Variants in CRISP1 observed in about 807,000 individuals in gnomAD.
CRISP1 encodes the protein cysteine-rich secretory protein 1.
CRISP1 carries 44 observed loss-of-function variants against 33.1 expected under a neutral mutation model. That is an observed-to-expected ratio of 1.33 (90% CI 1.05 to 1.71). The LOEUF (loss-of-function observed/expected upper bound fraction) is 1.71. Among genes scored for constraint, CRISP1 ranks in the 40% most tolerant of loss-of-function variants. The pLI is 0.00. For synonymous variants in CRISP1, 103 were observed against 98.7 expected, an observed-to-expected ratio of 1.04 and a Z score of -0.26; for missense variants, 390 against 301.2, an observed-to-expected ratio of 1.29 and a Z score of -2.18.
At chr6:49,871,798 G>A (rs996703160) in intron 1 of CRISP1, among the ~76,000 whole-genome samples, 5 of 151,920 alleles carry the variant, frequency 3.3e-5, no homozygotes, top group South Asian at 2.1e-4. Context: ...CTGGTCTATC[G>A]TTGTTGGACA....
At chr6:49,872,243 G>T (rs1310481111) in intron 1 of CRISP1, among the ~76,000 whole-genome samples, 1 of 151,620 alleles carries the variant, frequency 6.6e-6, no homozygotes, top group African/African-American at 2.4e-5. Context: ...TTTTTGATGG[G>T]GTTGTTTGTT....
chr6:49,873,105 G>A (rs1419253774), intron 1 of CRISP1, among the ~76,000 whole-genome samples: 2 of 151,798 alleles, frequency 1.3e-5, no homozygotes, highest in South Asian at 2.1e-4. Context: ...CACCAACATG[G>A]CACATGTGTA....
At chr6:49,856,774 A>AATATTAT (rs1446892407) in intron 2 of CRISP1, among the ~76,000 whole-genome samples, 23 of 152,100 alleles carry the variant, frequency 1.5e-4, no homozygotes, top group Admixed American at 1.4e-3. Context: ...CTGATCATAA[A>AATATTAT]ATATTATATC....
intron 1 of CRISP1, among the ~76,000 whole-genome samples, chr6:49,875,623 G>A (rs564532558): frequency 1.3e-5 from 2 of 152,140 alleles, no homozygotes; most frequent in South Asian, 4.2e-4. Flanking sequence ...AAAGCTGGAG[G>A]CATCACTCTA....
chr6:49,837,304 A>G (rs1209882540), intron 7 of CRISP1, among the ~76,000 whole-genome samples: 1 of 152,206 alleles, frequency 6.6e-6, no homozygotes, highest in Non-Finnish European at 1.5e-5. Context: ...ATCTTCTTGA[A>G]TAACATTTCT....
chr6:49,875,740 G>T (rs934509801), intron 1 of CRISP1, among the ~76,000 whole-genome samples: 5 of 151,848 alleles, frequency 3.3e-5, no homozygotes, highest in Admixed American at 3.3e-4. Context: ...TCAGAAATAA[G>T]ACCACATACC....
intron 1 of CRISP1, among the ~76,000 whole-genome samples, chr6:49,862,254 C>T (rs954383470): frequency 4.0e-5 from 6 of 151,800 alleles, no homozygotes; most frequent in South Asian, 2.1e-4. Context: ...AAAGAAAATA[C>T]GTAAAGATAA....
At chr6:49,838,285 G>A in intron 7 of CRISP1, 152 bp downstream of exon 7, 1 of 618,780 alleles carries the variant, frequency 1.6e-6, no homozygotes, top group Non-Finnish European at 2.8e-6. Flanking sequence ...CAGTCACTCT[G>A]GCAATTGGGG....
chr6:49,870,502 A>G (rs1771897480), upstream of CRISP1, among the ~76,000 whole-genome samples: 1 of 152,156 alleles, frequency 6.6e-6, no homozygotes, highest in African/African-American at 2.4e-5. Context: ...CAGGTATTGA[A>G]ACACAGCTAG....
chr6:49,845,874 G>A (rs912282081), intron 5 of CRISP1, among the ~76,000 whole-genome samples: 2 of 152,110 alleles, frequency 1.3e-5, no homozygotes, highest in African/African-American at 4.8e-5. Context: ...GTGAAATAAA[G>A]CAGACACAAA....
At chr6:49,867,250 A>G (rs1460094216), upstream of CRISP1, among the ~76,000 whole-genome samples, 1 of 152,118 alleles carries the variant, frequency 6.6e-6, no homozygotes, top group Non-Finnish European at 1.5e-5. Context: ...CACATATGAG[A>G]ATAGAAAATT....
At position 49,844,327 on chromosome 6, in the gene CRISP1, C is replaced by G. The variant is rs114923716; in HGVS notation, c.435+2193G>C. Among the ~76,000 whole-genome samples, 3 of 152,172 alleles carry G rather than the reference C, an allele frequency of 2.0e-5. No individual in the cohort carries two copies. The East Asian group carries it at 5.8e-4, about 29-fold the overall frequency. Reference sequence around the variant, plus strand: ...CAGACCCAAGTGAAGGAAGGCTGTCCGACTTCTTAGACTCTTCAGAATGAC... The same window carrying G: ...CAGACCCAAGTGAAGGAAGGCTGTCGGACTTCTTAGACTCTTCAGAATGAC... On this transcript the variant is annotated intron_variant, in intron 5 of 7. Coordinates refer to ENST00000335847, the MANE Select transcript of CRISP1 (RefSeq NM_001131.3).
intron 1 of CRISP1, among the ~76,000 whole-genome samples, chr6:49,876,360 T>G (rs959968844): frequency 6.6e-6 from 1 of 152,158 alleles, no homozygotes; most frequent in African/African-American, 2.4e-5. Context: ...CCAGTCAGAA[T>G]GGCTACTATT....
At chr6:49,858,178 G>A (rs879716751) in intron 1 of CRISP1, among the ~76,000 whole-genome samples, 9 of 152,144 alleles carry the variant, frequency 5.9e-5, no homozygotes, top group Admixed American at 1.3e-4. Flanking sequence ...CATAATATCT[G>A]ATCACTTTGC....
intron 1 of CRISP1, among the ~76,000 whole-genome samples, chr6:49,864,939 GC>G (rs1189523150): frequency 1.3e-5 from 2 of 151,726 alleles, no homozygotes; most frequent in Non-Finnish European, 2.9e-5. Flanking sequence ...TTATGTTAGT[GC>G]TTATGCATGT....
intron 1 of CRISP1, among the ~76,000 whole-genome samples, chr6:49,865,115 A>G (rs1261328728): frequency 6.6e-6 from 1 of 152,202 alleles, no homozygotes; most frequent in Non-Finnish European, 1.5e-5. Flanking sequence ...TGCTGAAGTC[A>G]TTAAGACAGA....
chr6:49,846,543 T>A lies in CRISP1; in HGVS notation c.412A>T (p.Ile138Leu). Residue 138 changes from isoleucine to leucine, a missense_variant, in exon 5 of 8, where the codon ATA (isoleucine) becomes TTA (leucine). Coordinates refer to ENST00000335847, the MANE Select transcript of CRISP1 (RefSeq NM_001131.3). ...ACCTGAGTGTAGTGGTCAGTAGTTA[T>A]GTCATCATCCGTTGTTGTCCATTCT... is the stretch of plus-strand genomic sequence containing the variant. Reference protein sequence around the residue: ...HGEWTTTDDDITTDHYTQIVW... With the variant: ...HGEWTTTDDDLTTDHYTQIVW... 1 of 1,613,512 alleles carries A rather than the reference T, an allele frequency of 6.2e-7. No homozygotes were observed. Among genetic ancestry groups the A allele is most frequent in the African/African-American group, 1.3e-5 (1 of 75,016 alleles).
chr6:49,854,413 G>A (rs1771436835), intron 2 of CRISP1, among the ~76,000 whole-genome samples: 1 of 152,132 alleles, frequency 6.6e-6, no homozygotes, highest in Non-Finnish European at 1.5e-5. Context: ...CTGCTGCCAG[G>A]CTGGAGTGCA....
intron 1 of CRISP1, among the ~76,000 whole-genome samples, chr6:49,863,637 A>G (rs923254593): frequency 6.6e-6 from 1 of 152,224 alleles, no homozygotes; most frequent in African/African-American, 2.4e-5. Flanking sequence ...AACAACTAAA[A>G]GTTAATATTT....
Sources: gnomAD v4.1 joint callset for allele counts (sites outside exome capture counted in the v4.1 genomes callset) on GRCh38, gnomAD v4.1.1 for gene constraint, MANE v1.5 for transcripts, NCBI Gene and HGNC (gene_info 2026-07-23, HGNC 2026-07-21) for gene names.